The following GNB5 variants were observed in gnomAD, a reference collection of about 807,000 sequenced individuals.
GNB5 encodes the protein G protein subunit beta 5, also known as guanine nucleotide-binding protein subunit beta-5.
A neutral mutation model predicts 55.3 loss-of-function variants in GNB5; 37 were observed. The observed-to-expected ratio is 0.67, with a 90% confidence interval of 0.51 to 0.88. The LOEUF (loss-of-function observed/expected upper bound fraction) is 0.88, where lower values mean the gene tolerates loss of function less well. GNB5 is among the 40% of genes least tolerant of loss of function. The probability of loss-of-function intolerance (pLI) is 0.00; values close to 1 mark genes in which losing one functional copy is unlikely to be tolerated. For missense variants in GNB5, 476 were observed against 515.3 expected, an observed-to-expected ratio of 0.92 and a Z score of 0.74; for synonymous variants, 219 against 198.5, an observed-to-expected ratio of 1.10 and a Z score of -0.87.
chr15:52,174,683 C>T (rs990113153), intron 3 of GNB5, among the ~76,000 whole-genome samples: 3 of 150,422 alleles, frequency 2.0e-5, no homozygotes, highest in African/African-American at 7.4e-5. Flanking sequence ...CCTTAAGCTA[C>T]CTTAAGGCAA....
intron 11 of GNB5, 117 bp downstream of exon 11, chr15:52,125,831 G>A (rs571586441): frequency 1.4e-5 from 9 of 624,502 alleles, no homozygotes; most frequent in East Asian, 2.8e-5. Flanking sequence ...GGATGATTTC[G>A]CATACTGGTC....
intron 7 of GNB5, among the ~76,000 whole-genome samples, chr15:52,136,785 TCA>T (rs2033735558): frequency 6.6e-6 from 1 of 152,236 alleles, no homozygotes. Flanking sequence ...CTCCCAGAAC[TCA>T]GTTTAATAGG....
In GNB5 at chr15:52,133,385, T is replaced by C; in HGVS notation, c.856A>G (p.Ser286Gly). ...AFETHESDIN[S>G]VRYYPSGDAF... is the part of the protein sequence containing the mutation. ...AACATTCTACTCACTGACCGGACAC[T>C]GTTGATGTCAGATTCATGTGTTTCA... Residue 286 changes from serine to glycine, a missense_variant, in exon 9 of 13, where the codon AGT (serine) becomes GGT (glycine). Transcript: ENST00000261837. The C allele has an allele frequency of 1.2e-5, 19 of 1,597,278 alleles. No individual in the cohort carries two copies. The highest frequency in any genetic ancestry group is 1.6e-5 in the Non-Finnish European group (19 of 1,164,602).
chr15:52,153,954 C>T lies in GNB5; in HGVS notation c.361G>A (p.Val121Met), dbSNP rs141630052. Residue 121 changes from valine to methionine, a missense_variant, in exon 4 of 13, where the codon GTG becomes ATG. Transcript: ENST00000261837. ...MDWCKDKRRI[V>M]SSSQDGKVIV... The stretch of plus-strand genomic sequence containing the variant: ...GTGTGACATACCTGTGACGAGCTCA[C>T]GATCCTCCTCTTATCTTTGCACCAG... The T allele has an allele frequency of 2.0e-5, 32 of 1,613,152 alleles. No individual in the cohort carries two copies. The highest frequency in any genetic ancestry group is 4.4e-5 in the South Asian group (4 of 90,940).
intron 9 of GNB5, chr15:52,128,568 A>AG: frequency 1.8e-6 from 1 of 569,926 alleles, no homozygotes; most frequent in East Asian, 4.0e-5. Flanking sequence ...CTCAGGGATA[A>AG]GAAAGTGGTT....
intron 1 of GNB5, among the ~76,000 whole-genome samples, chr15:52,186,481 G>C (rs752921540): frequency 6.6e-6 from 1 of 152,140 alleles, no homozygotes; most frequent in Non-Finnish European, 1.5e-5. Context: ...GCTGGATTTG[G>C]CATGTGGAGT....
At chr15:52,177,028 C>CTTTTTTTTT (rs545411940) in intron 3 of GNB5, among the ~76,000 whole-genome samples, 2 of 77,818 alleles carry the variant, frequency 2.6e-5, no homozygotes, top group Admixed American at 1.9e-4. Flanking sequence ...CTAGCTCCTC[C>CTTTTTTTTT]TTTTTTTTTT....
intron 7 of GNB5, among the ~76,000 whole-genome samples, chr15:52,139,244 T>C (rs7164357): frequency 0.035 from 5,268 of 152,132 alleles, 318 homozygotes; most frequent in African/African-American, 0.12. Flanking sequence ...GAGTTCAAGA[T>C]CAGCCAGGGC....
At chr15:52,128,299 T>G (rs564684908) in intron 9 of GNB5, 55 bp from the exon 10 acceptor site, 30 of 1,100,764 alleles carry the variant, frequency 2.7e-5, no homozygotes, top group Middle Eastern at 2.0e-4. Flanking sequence ...TGGATGCCCA[T>G]CAGAACCATG....
At chr15:52,163,012 G>C (rs931594645) in intron 3 of GNB5, among the ~76,000 whole-genome samples, 1 of 152,178 alleles carries the variant, frequency 6.6e-6, no homozygotes, top group African/African-American at 2.4e-5. Flanking sequence ...TGAATAGCTA[G>C]TCGGGGCGAC....
At chr15:52,172,346 AT>A (rs1314196526) in intron 3 of GNB5, among the ~76,000 whole-genome samples, 1 of 151,548 alleles carries the variant, frequency 6.6e-6, no homozygotes, top group Non-Finnish European at 1.5e-5. Context: ...AGGTCTCACT[AT>A]ATTGCCCAGG....
chr15:52,144,507 G>C (rs1237146173), intron 6 of GNB5: 1 of 152,242 alleles, frequency 6.6e-6, no homozygotes, highest in Non-Finnish European at 1.5e-5. Context: ...CACTGCAGCA[G>C]AGGTCTGGCT....
At chr15:52,136,241 T>G (rs549755982) in intron 7 of GNB5, among the ~76,000 whole-genome samples, 18 of 151,018 alleles carry the variant, frequency 1.2e-4, no homozygotes, top group Admixed American at 7.2e-4. Flanking sequence ...AGAGTGCATT[T>G]CCTACCCTCA....
At chr15:52,190,621 G>T (rs887159998) in intron 1 of GNB5, among the ~76,000 whole-genome samples, 1 of 152,054 alleles carries the variant, frequency 6.6e-6, no homozygotes, top group Non-Finnish European at 1.5e-5. Flanking sequence ...AGGATGCAGA[G>T]ACTGGAACTG....
intron 3 of GNB5, among the ~76,000 whole-genome samples, chr15:52,170,662 G>A (rs561146248): frequency 1.5e-5 from 2 of 135,646 alleles, no homozygotes; most frequent in South Asian, 4.6e-4. Context: ...GTTTACCTAT[G>A]TAACAAAACT....
chr15:52,159,700 A>G (rs1566944073), intron 3 of GNB5, among the ~76,000 whole-genome samples: 1 of 152,222 alleles, frequency 6.6e-6, no homozygotes, highest in Non-Finnish European at 1.5e-5. Context: ...GCTTGGGTAC[A>G]GAAAAGAGTA....
At chr15:52,134,533 TAGC>T (rs2033653578) in intron 8 of GNB5, among the ~76,000 whole-genome samples, 1 of 152,184 alleles carries the variant, frequency 6.6e-6, no homozygotes, top group Non-Finnish European at 1.5e-5. Flanking sequence ...TCTACAGTAA[TAGC>T]AGTAATTTTT....
chr15:52,123,002 T>G (rs1006584179), intron 12 of GNB5, among the ~76,000 whole-genome samples: 4 of 151,898 alleles, frequency 2.6e-5, no homozygotes, highest in African/African-American at 9.7e-5. Context: ...GGACCTGATC[T>G]TCTCCTCCCT....
intron 12 of GNB5, 56 bp downstream of exon 12, chr15:52,124,417 T>G (rs1322313558): frequency 4.2e-6 from 6 of 1,420,812 alleles, no homozygotes; most frequent in Admixed American, 3.7e-5. Flanking sequence ...TCAGAAGGCC[T>G]GTCACCAGTC....
Sources: allele counts gnomAD v4.1 joint callset (sites outside exome capture counted in the v4.1 genomes callset), GRCh38; gene constraint gnomAD v4.1.1; transcripts MANE v1.5; gene names NCBI Gene and HGNC (gene_info 2026-07-23, HGNC 2026-07-21).